Variants in MMS22L observed in about 807,000 individuals in gnomAD.
MMS22L encodes MMS22 like, DNA repair protein.
A neutral mutation model predicts 159.1 loss-of-function variants in MMS22L; 74 were observed. The ratio of observed to expected loss-of-function variants is 0.47; its 90% CI spans 0.39 to 0.56. MMS22L has a LOEUF of 0.56. Among genes scored for constraint, MMS22L ranks in the 20% least tolerant of loss-of-function variants. The pLI, the probability that MMS22L is intolerant of heterozygous loss-of-function variation, is 0.00. For synonymous variants in MMS22L, 517 were observed against 506.9 expected, an observed-to-expected ratio of 1.02 and a Z score of -0.27; for missense variants, 1,351 against 1,422.1, an observed-to-expected ratio of 0.95 and a Z score of 0.80.
chr6:97,244,658 C>G (rs1812441679), intron 11 of MMS22L, among the ~76,000 whole-genome samples: 3 of 152,202 alleles, frequency 2.0e-5, no homozygotes, highest in African/African-American at 4.8e-5. Flanking sequence ...ACACCAAGTT[C>G]TTCAGCTTTG....
intron 14 of MMS22L, among the ~76,000 whole-genome samples, chr6:97,194,278 G>C (rs1355613127): frequency 6.6e-6 from 1 of 151,484 alleles, no homozygotes; most frequent in Non-Finnish European, 1.5e-5. Flanking sequence ...CGATGGTCTT[G>C]ATATCTTGAC....
chr6:97,236,820 G>T (rs1050005394), intron 11 of MMS22L, among the ~76,000 whole-genome samples: 3 of 151,910 alleles, frequency 2.0e-5, no homozygotes, highest in African/African-American at 7.3e-5. Context: ...TCATGGTGGC[G>T]GGTGCCTGTA....
chr6:97,148,323 T>C (rs1801012055), intron 24 of MMS22L, among the ~76,000 whole-genome samples: 1 of 152,206 alleles, frequency 6.6e-6, no homozygotes, highest in African/African-American at 2.4e-5. Context: ...TATTTTAGAG[T>C]GTACTCCTCT....
At position 97,272,962 on chromosome 6, in the gene MMS22L, T is replaced by C; in HGVS notation, c.428+13A>G. ...ATTCATGCAGTGATCAAAATACTCA[T>C]CTGATATCCTACCTGAAGATGAAAA... On this transcript the variant is annotated intron_variant, in intron 5 of 24. Transcript: ENST00000683635. 1 of 1,610,134 alleles carries C rather than the reference T, an allele frequency of 6.2e-7. No homozygotes were observed. Among genetic ancestry groups the C allele is most frequent in the Non-Finnish European group, 8.5e-7 (1 of 1,178,472 alleles).
intron 9 of MMS22L, chr6:97,261,490 T>C (rs1814478394): frequency 6.6e-6 from 1 of 152,222 alleles, no homozygotes; most frequent in Non-Finnish European, 1.5e-5. Flanking sequence ...ATGGTTTTCT[T>C]AACATTTATT....
Position 97,233,919 on chromosome 6 carries a change from A to C in MMS22L, c.1244T>G (p.Phe415Cys), listed in dbSNP as rs775445769. Residue 415 changes from phenylalanine (F) to cysteine (C), a missense_variant, in exon 12 of 25, where the codon TTC (phenylalanine) becomes TGC (cysteine). Physicochemically the swap from Phe to Cys is radical, Grantham distance 205. Transcript: ENST00000683635. ...AACAATTGCAATGTTTGGCTCCCAG[A>C]AATCACAAAGTGTCAAACAACAGTG... ...YLHCCLTLCD[F>C]WEPNIAIVTI... 25 of 1,612,366 alleles carry C rather than the reference A, an allele frequency of 1.6e-5. No individual in the cohort carries two copies. The highest frequency in any genetic ancestry group is 3.3e-5 in the Admixed American group (2 of 59,822).
intron 14 of MMS22L, among the ~76,000 whole-genome samples, chr6:97,218,982 G>A (rs574588246): frequency 6.6e-6 from 1 of 152,242 alleles, no homozygotes; most frequent in South Asian, 2.1e-4. Flanking sequence ...GCTGCTAGCA[G>A]GGAAAATGCC....
chr6:97,262,592 C>T (rs1239703355), intron 9 of MMS22L, among the ~76,000 whole-genome samples: 4 of 144,684 alleles, frequency 2.8e-5, no homozygotes, highest in Non-Finnish European at 6.0e-5. Flanking sequence ...TGCAGTGAGC[C>T]GAGATCATGC....
intron 18 of MMS22L, among the ~76,000 whole-genome samples, chr6:97,176,907 A>G (rs1460999128): frequency 1.3e-5 from 2 of 152,146 alleles, no homozygotes; most frequent in Non-Finnish European, 2.9e-5. Context: ...CCTATGAATC[A>G]CAGAACCGAG....
intron 14 of MMS22L, among the ~76,000 whole-genome samples, chr6:97,194,248 G>A (rs1368381261): frequency 6.6e-6 from 1 of 151,520 alleles, no homozygotes; most frequent in Non-Finnish European, 1.5e-5. Context: ...AGTAAAGACG[G>A]GGTTTCATCA....
At chr6:97,178,200 T>C (rs1804317206) in intron 18 of MMS22L, among the ~76,000 whole-genome samples, 1 of 152,162 alleles carries the variant, frequency 6.6e-6, no homozygotes, top group African/African-American at 2.4e-5. Flanking sequence ...TAAAGCTTTT[T>C]TGTGGTATTC....
chr6:97,264,012 A>C (rs1814800972), intron 8 of MMS22L: 1 of 152,330 alleles, frequency 6.6e-6, no homozygotes, highest in Non-Finnish European at 1.5e-5. Context: ...CCAGCCAGCA[A>C]ACTTTTTCTA....
Position 97,231,469 on chromosome 6 carries a change from T to C in MMS22L, c.1486A>G (p.Met496Val). The C allele has an allele frequency of 6.2e-7, 1 of 1,613,800 alleles. No individual in the cohort carries two copies. Among genetic ancestry groups the C allele is most frequent in the Non-Finnish European group, 8.5e-7 (1 of 1,179,842 alleles). The change falls in exon 13 of 25, where the codon ATG becomes GTG. Residue 496 changes from methionine (M) to valine (V), a missense_variant. Met to Val is a conservative substitution (Grantham distance 21, BLOSUM62 1). Transcript: ENST00000683635. ...CAAGGATGAGGGCCATTGCTCTTCATTGCTTTTTTAACAACTTTTGCCAGA... is the reference window on the plus strand; with the variant it reads ...CAAGGATGAGGGCCATTGCTCTTCACTGCTTTTTTAACAACTTTTGCCAGA... ...CILAKVVKKA[M>V]KSNGPHPWKQ...
intron 14 of MMS22L, among the ~76,000 whole-genome samples, chr6:97,188,652 G>T (rs1031002699): frequency 6.6e-6 from 1 of 152,118 alleles, no homozygotes; most frequent in Non-Finnish European, 1.5e-5. Flanking sequence ...AGTTTTAAGT[G>T]AATTAAACAT....
intron 19 of MMS22L, among the ~76,000 whole-genome samples, chr6:97,169,948 G>T (rs1260164105): frequency 6.6e-6 from 1 of 152,022 alleles, no homozygotes; most frequent in Non-Finnish European, 1.5e-5. Context: ...CGTGGTATAG[G>T]ATACCAATAA....
rs1815563380 is a variant in MMS22L at position 97,270,064 on chromosome 6, A to G, written c.607-72T>C. 4.4e-6 allele frequency: 5 copies of G among 1,137,730 alleles called. No individual in the cohort carries two copies. In the Admixed American group the frequency reaches 5.4e-5, roughly 12 times the overall value. The allele number at this position is 1,137,730 out of a possible 1,614,324, so 70.5% of individuals were successfully genotyped here. ...ACTAGGTATTTCATAGCATGTCACA[A>G]TACTCCTCCATAAACACAAGGATAA... On this transcript the variant is annotated intron_variant, in intron 6 of 24. Coordinates refer to ENST00000683635, the MANE Select transcript of MMS22L (RefSeq NM_001350599.2).
intron 14 of MMS22L, among the ~76,000 whole-genome samples, chr6:97,188,782 A>T (rs1460796838): frequency 6.6e-6 from 1 of 152,088 alleles, no homozygotes; most frequent in Non-Finnish European, 1.5e-5. Flanking sequence ...CAACATGGTG[A>T]AATCCCCTCC....
intron 10 of MMS22L, among the ~76,000 whole-genome samples, chr6:97,249,583 C>T (rs1813025349): frequency 6.6e-6 from 1 of 151,998 alleles, no homozygotes; most frequent in South Asian, 2.1e-4. Flanking sequence ...AGTGCTTCCT[C>T]AAAAAAATTT....
At chr6:97,154,635 G>C (rs1801648124) in intron 22 of MMS22L, among the ~76,000 whole-genome samples, 1 of 152,090 alleles carries the variant, frequency 6.6e-6, no homozygotes, top group Non-Finnish European at 1.5e-5. Flanking sequence ...TATGTGGTAG[G>C]AAACAAGGGT....
Sources: gnomAD v4.1 joint callset for allele counts (sites outside exome capture counted in the v4.1 genomes callset) on GRCh38, gnomAD v4.1.1 for gene constraint, MANE v1.5 for transcripts, NCBI Gene and HGNC (gene_info 2026-07-23, HGNC 2026-07-21) for gene names.